The following UNC5D variants were observed in gnomAD, a reference collection of about 807,000 sequenced individuals.
UNC5D encodes netrin receptor UNC5D.
Under a neutral mutation model 105.4 loss-of-function variants are expected in UNC5D, and 39 were observed. The observed-to-expected ratio is 0.37, with a 90% confidence interval of 0.29 to 0.48. UNC5D has a LOEUF of 0.48. UNC5D is among the 20% of genes least tolerant of loss of function. The pLI, the probability that UNC5D is intolerant of heterozygous loss-of-function variation, is 0.98. For synonymous variants in UNC5D, 452 were observed against 450.4 expected (o/e 1.00, Z -0.04); for missense variants, 991 against 1,202.4 (o/e 0.82, Z 2.60).
At chr8:35,686,945 T>C (rs1331035700) in intron 7 of UNC5D, among the ~76,000 whole-genome samples, 6 of 152,196 alleles carry the variant, frequency 3.9e-5, no homozygotes, top group Middle Eastern at 3.2e-3. Context: ...TACTTACTAA[T>C]TTGATAACAT....
intron 1 of UNC5D, among the ~76,000 whole-genome samples, chr8:35,394,761 AAGG>A (rs1409989879): frequency 6.6e-6 from 1 of 152,190 alleles, no homozygotes; most frequent in Non-Finnish European, 1.5e-5. Flanking sequence ...CTTAAGGAAA[AAGG>A]AGAAGAGTTT....
intron 4 of UNC5D, among the ~76,000 whole-genome samples, chr8:35,637,591 A>G (rs549737312): frequency 6.6e-6 from 1 of 152,308 alleles, no homozygotes; most frequent in Admixed American, 6.5e-5. Context: ...GTAGGAAAGT[A>G]TCCATATAGT....
At chr8:35,272,235 C>T (rs1008608041) in intron 1 of UNC5D, among the ~76,000 whole-genome samples, 5 of 152,118 alleles carry the variant, frequency 3.3e-5, no homozygotes, top group African/African-American at 1.2e-4. Context: ...AGTATATTTT[C>T]AGTTGACTAG....
chr8:35,327,648 A>G (rs942018357), intron 1 of UNC5D, among the ~76,000 whole-genome samples: 3 of 152,150 alleles, frequency 2.0e-5, no homozygotes, highest in African/African-American at 7.2e-5. Flanking sequence ...GGATCTGGAA[A>G]GTTGATCCCT....
At chr8:35,239,415 C>A (rs560377531) in intron 1 of UNC5D, among the ~76,000 whole-genome samples, 1 of 152,082 alleles carries the variant, frequency 6.6e-6, no homozygotes, top group Non-Finnish European at 1.5e-5. Context: ...AAATGCAGTA[C>A]CCAACTTAAA....
chr8:35,616,916 G>A (rs1027193331), intron 4 of UNC5D, among the ~76,000 whole-genome samples: 1 of 152,084 alleles, frequency 6.6e-6, no homozygotes, highest in Non-Finnish European at 1.5e-5. Context: ...GCAATAAACA[G>A]TCTTTATATC....
chr8:35,698,510 C>A (rs558141908), intron 7 of UNC5D, among the ~76,000 whole-genome samples: 4 of 152,166 alleles, frequency 2.6e-5, no homozygotes, highest in African/African-American at 9.6e-5. Flanking sequence ...TGAAATCAAA[C>A]AGTATTTATT....
intron 16 of UNC5D, among the ~76,000 whole-genome samples, chr8:35,785,427 T>C (rs892017305): frequency 6.6e-6 from 1 of 152,172 alleles, no homozygotes; most frequent in Non-Finnish European, 1.5e-5. Context: ...TGGCGTGATC[T>C]TGACTCACTG....
intron 4 of UNC5D, among the ~76,000 whole-genome samples, chr8:35,602,986 A>C (rs927160558): frequency 1.1e-4 from 16 of 150,964 alleles, no homozygotes; most frequent in Middle Eastern, 3.5e-3. Flanking sequence ...TGGTTTTTTC[A>C]GAAAACCAGC....
At chr8:35,384,742 T>A (rs1021045298) in intron 1 of UNC5D, among the ~76,000 whole-genome samples, 2 of 152,222 alleles carry the variant, frequency 1.3e-5, no homozygotes, top group Non-Finnish European at 2.9e-5. Flanking sequence ...ATATTTTAAC[T>A]TGACAAGCCT....
chr8:35,382,125 C>T (rs750335557), intron 1 of UNC5D, among the ~76,000 whole-genome samples: 1 of 152,172 alleles, frequency 6.6e-6, no homozygotes, highest in Non-Finnish European at 1.5e-5. Flanking sequence ...GCCTGAAAAT[C>T]CTAACACAGT....
In UNC5D at chr8:35,266,077, A is replaced by C. The variant is rs550761676; in HGVS notation, c.103+30190A>C. Among the ~76,000 whole-genome samples the C allele has an allele frequency of 3.3e-5, 5 of 152,196 alleles. 1 individual carries two copies. In the South Asian group the frequency reaches 1.0e-3, roughly 32 times the overall value. The stretch of plus-strand genomic sequence containing the variant: ...TGTTTAACTTTTCAATAGTAAAAAT[A>C]AGCCTCCAGAACATTAGGGCAAACC... On this transcript the variant is annotated intron_variant, in intron 1 of 16. Coordinates refer to ENST00000404895, the MANE Select transcript of UNC5D (RefSeq NM_080872.4).
intron 1 of UNC5D, among the ~76,000 whole-genome samples, chr8:35,404,153 A>C (rs963614654): frequency 6.6e-6 from 1 of 152,196 alleles, no homozygotes; most frequent in Non-Finnish European, 1.5e-5. Context: ...AACCCTTCTG[A>C]TAAATGGTAA....
rs1039590228 is a variant in UNC5D, at chr8:35,722,091, C to T, written c.1118-119C>T. The T allele has an allele frequency of 5.4e-6, 6 of 1,108,546 alleles. No individual in the cohort carries two copies. In the African/African-American group the frequency reaches 9.4e-5, roughly 17 times the overall value. 68.7% of individuals were successfully genotyped at this position (1,108,546 alleles called of 1,614,324 possible). A position where few individuals can be genotyped will look rare whatever the true frequency, so the allele number is the denominator to read the frequency against. ...AGTACAACTTGTGTTCACTGTACATCTGTCATTGTCTCTGAGCAGTAGCTC... is the reference window on the plus strand; with the variant it reads ...AGTACAACTTGTGTTCACTGTACATTTGTCATTGTCTCTGAGCAGTAGCTC... On this transcript the variant is annotated intron_variant, in intron 8 of 16. Coordinates refer to ENST00000404895, the MANE Select transcript of UNC5D (RefSeq NM_080872.4).
At chr8:35,326,185 C>T (rs1810147538) in intron 1 of UNC5D, among the ~76,000 whole-genome samples, 2 of 152,298 alleles carry the variant, frequency 1.3e-5, no homozygotes, top group South Asian at 4.1e-4. Flanking sequence ...GGGCTGTCCC[C>T]TTGACTGGAA....
rs745672033 is a variant in UNC5D, at chr8:35,387,362, CA to C, written c.103+151488del. ...TGGGCGACACAGCGAGACTCCATCT[CA>C]AAAAAAAAAAAAGAGAAACGCAGAT... On this transcript the variant is annotated intron_variant, in intron 1 of 16. Coordinates refer to ENST00000404895, the MANE Select transcript of UNC5D (RefSeq NM_080872.4). Among the ~76,000 whole-genome samples the C allele has an allele frequency of 9.4e-4, 107 of 113,990 alleles. 2 individuals carry two copies. The highest frequency in any genetic ancestry group is 8.3e-4 in the Non-Finnish European group (46 of 55,278). The allele number at this position is 113,990 out of a possible 152,430, so 74.8% of individuals were successfully genotyped here.
chr8:35,373,372 C>A (rs1337443560), intron 1 of UNC5D, among the ~76,000 whole-genome samples: 1 of 152,166 alleles, frequency 6.6e-6, no homozygotes, highest in Non-Finnish European at 1.5e-5. Flanking sequence ...CTCTACAGTA[C>A]AATAGGCATT....
At chr8:35,556,102 A>C (rs1816532020) in intron 2 of UNC5D, among the ~76,000 whole-genome samples, 1 of 152,258 alleles carries the variant, frequency 6.6e-6, no homozygotes, top group South Asian at 2.1e-4. Flanking sequence ...ATCCACAATC[A>C]CATAGCACCT....
At chr8:35,422,126 G>T (rs1305969951) in intron 1 of UNC5D, among the ~76,000 whole-genome samples, 3 of 152,156 alleles carry the variant, frequency 2.0e-5, no homozygotes, top group East Asian at 3.9e-4. Context: ...TGCCTAGAGA[G>T]CCCCATCTCA....
Sources: gnomAD v4.1 joint callset for allele counts (sites outside exome capture counted in the v4.1 genomes callset) on GRCh38, gnomAD v4.1.1 for gene constraint, MANE v1.5 for transcripts, NCBI Gene and HGNC (gene_info 2026-07-23, HGNC 2026-07-21) for gene names.